EXD3: variants seen among roughly 807,000 people sequenced by gnomAD.
The protein encoded by EXD3 is exonuclease 3'-5' domain containing 3, also known as exonuclease mut-7 homolog.
Under a neutral mutation model 98.0 loss-of-function variants are expected in EXD3, and 92 were observed. The observed-to-expected ratio is 0.94, with a 90% CI of 0.79 to 1.12. EXD3 has a LOEUF of 1.12. EXD3 is among the 50% of genes most tolerant of loss of function. EXD3 has a pLI of 0.00. For missense variants in EXD3, 1,222 were observed against 1,191.6 expected (o/e 1.03, Z -0.38); for synonymous variants, 569 against 526.0 (o/e 1.08, Z -1.12).
In EXD3 at chr9:137,382,076, GC is replaced by G. The variant is rs1250922432; in HGVS notation, c.120+1236del. 5.3e-4 allele frequency among the ~76,000 whole-genome samples: 69 copies of G among 131,394 alleles called. 2 individuals carry two copies. Among genetic ancestry groups the G allele is most frequent in the African/African-American group, 9.1e-4 (30 of 32,982 alleles). The allele number at this position is 131,394 out of a possible 152,430, so 86.2% of individuals were successfully genotyped here. ...GGGCGCGCGGAGGAGGTGAGGGCGC[GC>G]GGTGGAGGTCAGGGCGGCGGTGGAG... On this transcript the variant is annotated intron_variant, in intron 3 of 21. Transcript: ENST00000340951.
rs1025792571 is a variant in EXD3, at chr9:137,366,407, G to A, written c.656+86C>T. ...CTTCCTGGGGAGAGCTCTCCCACGC[G>A]CCTGCTGCCCCCCTACACTCCCTTC... On this transcript the variant is annotated intron_variant, in intron 7 of 21. Coordinates refer to ENST00000340951, the MANE Select transcript of EXD3 (RefSeq NM_017820.5). The A allele has an allele frequency of 7.3e-6, 11 of 1,506,214 alleles. No homozygotes were observed. The highest frequency in any genetic ancestry group is 1.7e-4 in the Middle Eastern group (1 of 5,888). 93.3% of individuals were successfully genotyped at this position (1,506,214 alleles called of 1,614,324 possible).
Position 137,413,747 on chromosome 9 carries a change from C to T in EXD3, c.-48+9367G>A, listed in dbSNP as rs140750840. Reference sequence around the variant, plus strand: ...TGAACTCCTGACCTCACGTGATCCACTTGCCTCAGCCCAGAACATTTTCAT... The same window carrying T: ...TGAACTCCTGACCTCACGTGATCCATTTGCCTCAGCCCAGAACATTTTCAT... On this transcript the variant is annotated intron_variant, in intron 1 of 21. Transcript: ENST00000340951. 2.6e-3 allele frequency among the ~76,000 whole-genome samples: 392 copies of T among 152,086 alleles called. 2 individuals are homozygous for T. Among genetic ancestry groups the T allele is most frequent in the African/African-American group, 9.3e-3 (384 of 41,468 alleles).
chr9:137,421,412 G>T (rs1046199423), intron 1 of EXD3, among the ~76,000 whole-genome samples: 2 of 152,172 alleles, frequency 1.3e-5, no homozygotes, highest in African/African-American at 4.8e-5. Flanking sequence ...GTAGAAATGG[G>T]GAAGTAGAGA....
rs1202491748 is a variant in EXD3 at position 137,324,535 on chromosome 9, TG to T, written c.1999-393del. Among the ~76,000 whole-genome samples the T allele has an allele frequency of 6.6e-6, 1 of 152,010 alleles. No individual in the cohort carries two copies. Among genetic ancestry groups the T allele is most frequent in the African/African-American group, 2.4e-5 (1 of 41,370 alleles). ...TAGGGAGCCAACTACACATCAAAAA[TG>T]AAGAAAACCCTGCAATGACGATGCT... On this transcript the variant is annotated intron_variant, in intron 17 of 21. Coordinates refer to ENST00000340951, the MANE Select transcript of EXD3 (RefSeq NM_017820.5). The surrounding 1 kb of genome is among the most constrained non-coding windows in gnomAD (Gnocchi z 4.1).
At chr9:137,355,448 G>A (rs1251985829) in intron 8 of EXD3, among the ~76,000 whole-genome samples, 1 of 20,024 alleles carries the variant, frequency 5.0e-5, no homozygotes, top group African/African-American at 1.6e-4. Context: ...AGGAAGGGAG[G>A]ATGGAGGAAG....
intron 19 of EXD3, among the ~76,000 whole-genome samples, chr9:137,312,941 G>A (rs1363658115): frequency 2.0e-5 from 3 of 152,086 alleles, no homozygotes; most frequent in Admixed American, 6.5e-5. Flanking sequence ...GGGTGTAGGG[G>A]TCACACCCAC....
intron 7 of EXD3, 117 bp downstream of exon 7, chr9:137,366,376 C>T: frequency 7.0e-7 from 1 of 1,432,632 alleles, no homozygotes; most frequent in Non-Finnish European, 9.5e-7. Flanking sequence ...GACCCAAACA[C>T]CAGAACTTCC....
Position 137,393,341 on chromosome 9 carries a change from A to G in EXD3, c.55+1962T>C, listed in dbSNP as rs1364232885. On this transcript the variant is annotated intron_variant, in intron 2 of 21. Transcript: ENST00000340951. This position sits in a 1 kb window ranked among gnomAD's most constrained non-coding sequence, Gnocchi z 4.6. ...GAGGTAACAGGGCCTCATCCCACAC[A>G]GGTGCAGGCCCGGGGCCCGCAGATG... 1 of 681,418 alleles carries G rather than the reference A, an allele frequency of 1.5e-6. No individual in the cohort carries two copies. Among genetic ancestry groups the G allele is most frequent in the East Asian group, 2.7e-5 (1 of 36,872 alleles). 42.2% of individuals were successfully genotyped at this position (681,418 alleles called of 1,614,324 possible). A position where few individuals can be genotyped will look rare whatever the true frequency, so the allele number is the denominator to read the frequency against.
At chr9:137,355,382 C>G (rs576936246) in intron 8 of EXD3, among the ~76,000 whole-genome samples, 1 of 148,370 alleles carries the variant, frequency 6.7e-6, no homozygotes, top group Admixed American at 6.8e-5. Context: ...AGCGCAGCCA[C>G]GGGGAGCCGG....
intron 1 of EXD3, among the ~76,000 whole-genome samples, chr9:137,402,396 T>A (rs913514436): frequency 7.2e-5 from 11 of 152,086 alleles, no homozygotes; most frequent in Admixed American, 2.6e-4. Flanking sequence ...CCCTAAATCA[T>A]CTCTCTCTCA....
At chr9:137,319,422 A>G (rs1831903710) in intron 19 of EXD3, among the ~76,000 whole-genome samples, 1 of 152,128 alleles carries the variant, frequency 6.6e-6, no homozygotes, top group Admixed American at 6.5e-5. Context: ...TGGGGCAGCC[A>G]GTGTGTGGGG....
intron 2 of EXD3, among the ~76,000 whole-genome samples, chr9:137,384,364 A>G (rs1836477853): frequency 6.6e-6 from 1 of 152,244 alleles, no homozygotes; most frequent in African/African-American, 2.4e-5. Context: ...CAGGACCGGA[A>G]CGGAGGAGAG....
At chr9:137,417,488 C>T (rs1838292982) in intron 1 of EXD3, among the ~76,000 whole-genome samples, 1 of 152,184 alleles carries the variant, frequency 6.6e-6, no homozygotes. Flanking sequence ...GTGGCCACAC[C>T]CCACAGCCCA....
At chr9:137,330,709 A>G (rs1833027923) in intron 17 of EXD3, among the ~76,000 whole-genome samples, 1 of 152,196 alleles carries the variant, frequency 6.6e-6, no homozygotes, top group South Asian at 2.1e-4. Context: ...GAGGGTTTTC[A>G]AAGTTCTGTA....
intron 3 of EXD3, chr9:137,381,324 G>A (rs1269854382): frequency 6.8e-6 from 1 of 147,780 alleles, no homozygotes; most frequent in Non-Finnish European, 1.5e-5. Context: ...GCTGAGGCAG[G>A]AGAATCCCTT....
At chr9:137,401,300 C>A (rs1354960206) in intron 1 of EXD3, among the ~76,000 whole-genome samples, 1 of 152,046 alleles carries the variant, frequency 6.6e-6, no homozygotes, top group Non-Finnish European at 1.5e-5. Context: ...ACAACAGATG[C>A]CCGCCACCAC....
intron 17 of EXD3, among the ~76,000 whole-genome samples, chr9:137,339,165 A>G (rs1588293595): frequency 6.6e-6 from 1 of 152,318 alleles, no homozygotes; most frequent in South Asian, 2.1e-4. Context: ...AAAACTCAGT[A>G]TCAGAACATT....
In EXD3 at chr9:137,356,155, T is replaced by C. The variant is rs1588339797; in HGVS notation, c.757+113A>G. ...GGCAGGGAGGGGCTCTCTGGGAAGGTTGGTCTTGGTTGGCACCTGAACAAC... is the reference window on the plus strand; with the variant it reads ...GGCAGGGAGGGGCTCTCTGGGAAGGCTGGTCTTGGTTGGCACCTGAACAAC... On this transcript the variant is annotated intron_variant, in intron 8 of 21. Coordinates refer to ENST00000340951, the MANE Select transcript of EXD3 (RefSeq NM_017820.5). 19 of 741,188 alleles carry C rather than the reference T, an allele frequency of 2.6e-5. No homozygotes were observed. In the East Asian group the frequency reaches 4.9e-4, roughly 19 times the overall value. 45.9% of individuals were successfully genotyped at this position (741,188 alleles called of 1,614,324 possible).
At chr9:137,354,297 C>T in intron 10 of EXD3, 42 bp downstream of exon 10, 1 of 1,608,366 alleles carries the variant, frequency 6.2e-7, no homozygotes, top group South Asian at 1.1e-5. Flanking sequence ...GGACAGCCGC[C>T]CAGGCCGCCC....
Sources: allele counts gnomAD v4.1 joint callset (sites outside exome capture counted in the v4.1 genomes callset), GRCh38; gene constraint gnomAD v4.1.1; non-coding constraint Gnocchi (gnomAD v3.1); transcripts MANE v1.5; gene names NCBI Gene and HGNC (gene_info 2026-07-23, HGNC 2026-07-21).